UNC79: variants seen among roughly 807,000 people sequenced by gnomAD.
UNC79 encodes the protein unc-79 subunit of NALCN channel complex, also known as protein unc-79 homolog.
A neutral mutation model predicts 283.1 loss-of-function variants in UNC79; 37 were observed. That is an observed-to-expected ratio of 0.13 (90% CI 0.10 to 0.17). The LOEUF (loss-of-function observed/expected upper bound fraction) is 0.17. Ranked by LOEUF, UNC79 falls within the 10% of genes least tolerant of loss-of-function variation. The pLI is 1.00. For synonymous variants in UNC79, 1,107 were observed against 1,200.2 expected (o/e 0.92, Z 1.61); for missense variants, 2,272 against 3,211.1 (o/e 0.71, Z 7.07).
intron 4 of UNC79, among the ~76,000 whole-genome samples, chr14:93,481,730 C>A (rs916927213): frequency 2.6e-5 from 4 of 151,744 alleles, no homozygotes; most frequent in African/African-American, 9.7e-5. Flanking sequence ...CTATAACCTT[C>A]CAAAGACTAA....
exon 36 of UNC79, chr14:93,653,743 A>T (rs773883195): frequency 4.3e-6 from 7 of 1,612,088 alleles, no homozygotes. Flanking sequence ...CAACTCCAGC[A>T]TGATGGTTCC....
intron 14 of UNC79, among the ~76,000 whole-genome samples, chr14:93,548,493 G>A (rs8022891): frequency 0.26 from 39,150 of 152,028 alleles, 5,593 homozygotes; most frequent in East Asian, 0.69. Context: ...ATTAAGAACA[G>A]AAATAAGATA....
intron 1 of UNC79, among the ~76,000 whole-genome samples, chr14:93,341,367 G>T (rs976079337): frequency 3.9e-5 from 6 of 152,062 alleles, no homozygotes; most frequent in African/African-American, 1.2e-4. Flanking sequence ...TGAGACAGGA[G>T]AATCGCTTGA....
chr14:93,377,913 G>A (rs2054593651), intron 1 of UNC79, among the ~76,000 whole-genome samples: 1 of 152,196 alleles, frequency 6.6e-6, no homozygotes, highest in African/African-American at 2.4e-5. Context: ...TCCCTGCCGT[G>A]TGGTCTGTTT....
chr14:93,388,871 G>A (rs2054829451), intron 1 of UNC79, among the ~76,000 whole-genome samples: 1 of 152,154 alleles, frequency 6.6e-6, no homozygotes, highest in Non-Finnish European at 1.5e-5. Context: ...TTTAGGTTCA[G>A]AGAATAATTG....
chr14:93,662,937 T>A (rs889214300), intron 40 of UNC79, among the ~76,000 whole-genome samples: 2 of 151,978 alleles, frequency 1.3e-5, no homozygotes, highest in Non-Finnish European at 2.9e-5. Context: ...TATGCACATA[T>A]GCAGATTCAG....
downstream of UNC79, chr14:93,707,306 G>A (rs1279968079): frequency 6.2e-6 from 1 of 160,724 alleles, no homozygotes; most frequent in Non-Finnish European, 1.4e-5. Context: ...ATCCACTCTT[G>A]GCAATGCAAT....
chr14:93,452,374 G>T (rs945473791), intron 1 of UNC79, among the ~76,000 whole-genome samples: 1 of 121,176 alleles, frequency 8.3e-6, no homozygotes, highest in Non-Finnish European at 1.7e-5. Context: ...TGGACTGCAT[G>T]ATTTTTTTTT....
At chr14:93,420,594 A>G (rs957206967) in intron 1 of UNC79, among the ~76,000 whole-genome samples, 2 of 151,826 alleles carry the variant, frequency 1.3e-5, no homozygotes, top group African/African-American at 2.4e-5. Flanking sequence ...AATCTGCACT[A>G]TAGAACAAAC....
chr14:93,597,104 A>G (rs992540652), intron 23 of UNC79, among the ~76,000 whole-genome samples: 1 of 152,200 alleles, frequency 6.6e-6, no homozygotes, highest in African/African-American at 2.4e-5. Flanking sequence ...AAGACAACCC[A>G]GAGTTAGATC....
intron 19 of UNC79, among the ~76,000 whole-genome samples, chr14:93,580,602 G>T (rs1318720593): frequency 6.6e-6 from 1 of 152,110 alleles, no homozygotes; most frequent in Non-Finnish European, 1.5e-5. Context: ...CTTGAGTGAG[G>T]GTTGTAGCAC....
chr14:93,496,961 T>C (rs4900186), intron 6 of UNC79, among the ~76,000 whole-genome samples, 196 bp from the exon 7 acceptor site: 152,019 of 152,334 alleles, frequency 1, 75,858 homozygotes, highest in Middle Eastern at 1. Context: ...TACAGAAGGA[T>C]CAGTAAATAA....
chr14:93,634,254 T>A (rs1021289637), intron 31 of UNC79, among the ~76,000 whole-genome samples: 3 of 152,222 alleles, frequency 2.0e-5, no homozygotes, highest in African/African-American at 7.2e-5. Flanking sequence ...TAGATGAAGA[T>A]AATCATATTT....
intron 39 of UNC79, among the ~76,000 whole-genome samples, chr14:93,661,967 A>T (rs1014396559): frequency 3.3e-5 from 5 of 152,216 alleles, no homozygotes; most frequent in Admixed American, 1.3e-4. Context: ...AAGATAAACT[A>T]TATGAAATCA....
At position 93,491,058 on chromosome 14, in the gene UNC79, C is replaced by T. The variant is rs115603198; in HGVS notation, c.712+3303C>T. On this transcript the variant is annotated intron_variant, in intron 5 of 48. Transcript: ENST00000555664. ...TCAAGGTGCTGGTAGATTGGATGAT[C>T]TGTGAGAACTCATTTCCTGGTTCAT... Among the ~76,000 whole-genome samples, 373 of 152,254 alleles carry T rather than the reference C, an allele frequency of 2.4e-3. 2 individuals carry two copies. The highest frequency in any genetic ancestry group is 8.5e-3 in the African/African-American group (355 of 41,534).
chr14:93,660,722 C>T (rs573377494), intron 39 of UNC79, among the ~76,000 whole-genome samples: 7 of 151,486 alleles, frequency 4.6e-5, no homozygotes, highest in Non-Finnish European at 8.8e-5. Context: ...TCCCAAGTAG[C>T]TGGGACTACA....
At position 93,642,847 on chromosome 14, in the gene UNC79, C is replaced by T. The variant is rs79950521; in HGVS notation, c.5904-710C>T. On this transcript the variant is annotated intron_variant, in intron 33 of 48. Coordinates refer to ENST00000555664, the Ensembl canonical transcript of UNC79. Reference sequence around the variant, plus strand: ...TTCCCTGCTATTCCCATTAGACTTTCGCTTCCTTTTATAAAACTGCTCACT... The same window carrying T: ...TTCCCTGCTATTCCCATTAGACTTTTGCTTCCTTTTATAAAACTGCTCACT... Among the ~76,000 whole-genome samples, 942 of 152,308 alleles carry T rather than the reference C, an allele frequency of 6.2e-3. 7 individuals carry two copies. The highest frequency in any genetic ancestry group is 0.022 in the African/African-American group (897 of 41,562).
At chr14:93,395,331 A>C (rs1214913590) in intron 1 of UNC79, among the ~76,000 whole-genome samples, 4 of 152,230 alleles carry the variant, frequency 2.6e-5, no homozygotes, top group South Asian at 2.1e-4. Context: ...TTTATGAAGA[A>C]AAGAAGTTTA....
At chr14:93,576,871 C>A (rs1315648606) in intron 17 of UNC79, among the ~76,000 whole-genome samples, 3 of 152,130 alleles carry the variant, frequency 2.0e-5, no homozygotes, top group African/African-American at 7.2e-5. Context: ...CCCAGTCAGG[C>A]TTGGTGGCTT....
Sources: allele counts gnomAD v4.1 joint callset (sites outside exome capture counted in the v4.1 genomes callset), GRCh38; gene constraint gnomAD v4.1.1; transcripts MANE v1.5; gene names NCBI Gene and HGNC (gene_info 2026-07-23, HGNC 2026-07-21).